The following CWC27 variants were observed in gnomAD, a reference collection of about 807,000 sequenced individuals.
CWC27 encodes CWC27 spliceosome associated cyclophilin, also known as spliceosome-associated protein CWC27 homolog.
CWC27 carries 47 observed loss-of-function variants against 63.6 expected under a neutral mutation model. That is an observed-to-expected ratio of 0.74 (90% CI 0.58 to 0.94). The LOEUF (loss-of-function observed/expected upper bound fraction) is 0.94, where lower values mean the gene tolerates loss of function less well. Among genes scored for constraint, CWC27 ranks in the 40% least tolerant of loss-of-function variants. The pLI is 0.00. For synonymous variants in CWC27, 175 were observed against 179.8 expected, an observed-to-expected ratio of 0.97 and a Z score of 0.22; for missense variants, 495 against 554.3, an observed-to-expected ratio of 0.89 and a Z score of 1.07.
chr5:64,966,539 T>C (rs1223429470), intron 11 of CWC27, among the ~76,000 whole-genome samples: 2 of 152,120 alleles, frequency 1.3e-5, no homozygotes, highest in African/African-American at 2.4e-5. Context: ...CTGAAGAAAC[T>C]GAGGCACAAA....
At chr5:64,942,459 AAGAT>A (rs1748503059) in intron 11 of CWC27, among the ~76,000 whole-genome samples, 1 of 150,480 alleles carries the variant, frequency 6.6e-6, no homozygotes, top group African/African-American at 2.5e-5. Context: ...AAAAAAAAAA[AAGAT>A]AAAAGAAAAA....
intron 10 of CWC27, among the ~76,000 whole-genome samples, chr5:64,882,719 G>A (rs890639307): frequency 3.9e-5 from 6 of 152,024 alleles, no homozygotes; most frequent in African/African-American, 1.2e-4. Context: ...TCAGCCTCCC[G>A]AATAGCTGGG....
At chr5:65,016,111 C>T (rs1750043648) in intron 13 of CWC27, among the ~76,000 whole-genome samples, 1 of 152,176 alleles carries the variant, frequency 6.6e-6, no homozygotes, top group African/African-American at 2.4e-5. Context: ...GTCGAACAGT[C>T]AGCCTTTTTC....
intron 13 of CWC27, among the ~76,000 whole-genome samples, chr5:64,990,414 G>A (rs1225490342): frequency 9.3e-6 from 1 of 107,114 alleles, no homozygotes; most frequent in Non-Finnish European, 2.0e-5. Flanking sequence ...ACAGGCGCCC[G>A]CCACTACGCC....
intron 11 of CWC27, among the ~76,000 whole-genome samples, chr5:64,895,270 A>G (rs1747343286): frequency 6.6e-6 from 1 of 152,062 alleles, no homozygotes; most frequent in Non-Finnish European, 1.5e-5. Context: ...ATAGCATATG[A>G]TATGTGAAAA....
chr5:64,842,897 C>T (rs537273153), intron 10 of CWC27, among the ~76,000 whole-genome samples: 22 of 152,304 alleles, frequency 1.4e-4, no homozygotes, highest in African/African-American at 3.8e-4. Flanking sequence ...CCACCCTACC[C>T]GGCCTTTTTC....
intron 10 of CWC27, among the ~76,000 whole-genome samples, chr5:64,816,573 G>A (rs534008539): frequency 3.3e-5 from 5 of 152,216 alleles, no homozygotes; most frequent in East Asian, 3.9e-4. Flanking sequence ...AGCTAAGGAC[G>A]GTAGAATAGA....
chr5:64,905,261 G>C (rs1747606859), intron 11 of CWC27, among the ~76,000 whole-genome samples: 1 of 148,964 alleles, frequency 6.7e-6, no homozygotes, highest in African/African-American at 2.5e-5. Flanking sequence ...TCCTGGCCAG[G>C]CTTCATGATT....
intron 13 of CWC27, among the ~76,000 whole-genome samples, chr5:64,997,056 A>G (rs1319984210): frequency 6.6e-6 from 1 of 152,206 alleles, no homozygotes; most frequent in East Asian, 1.9e-4. Flanking sequence ...TGTCAAATTT[A>G]TATCCCTAAT....
chr5:64,914,129 G>C (rs1249781439), intron 11 of CWC27, among the ~76,000 whole-genome samples: 2 of 152,196 alleles, frequency 1.3e-5, no homozygotes, highest in East Asian at 3.9e-4. Context: ...AAAAATACTT[G>C]ACTTTTAACT....
rs187982532 is a variant in CWC27, at chr5:64,805,610, T to A, written c.938+1224T>A. Reference sequence around the variant, plus strand: ...AATGTAACAAAAATATATTTAAAAATTTTAATAGATGAGCCAACCAAATAT... The same window carrying A: ...AATGTAACAAAAATATATTTAAAAAATTTAATAGATGAGCCAACCAAATAT... On this transcript the variant is annotated intron_variant, in intron 10 of 13. Transcript: ENST00000381070. Among the ~76,000 whole-genome samples, 342 of 152,096 alleles carry A rather than the reference T, an allele frequency of 2.2e-3. 1 individual carries two copies. The highest frequency in any genetic ancestry group is 7.8e-3 in the African/African-American group (325 of 41,568).
At position 64,993,210 on chromosome 5, in the gene CWC27, G is replaced by A. The variant is rs76470907; in HGVS notation, c.1256+15972G>A. 3.9e-3 allele frequency among the ~76,000 whole-genome samples: 591 copies of A among 152,294 alleles called. 5 individuals are homozygous for A. The highest frequency in any genetic ancestry group is 0.013 in the African/African-American group (550 of 41,550). On this transcript the variant is annotated intron_variant, in intron 13 of 13. Transcript: ENST00000381070. ...AATAGTAGGTGTGAGAGAGGGAAGT[G>A]GGGGTGCATGGTACTAGGGTAGTAT...
Position 64,865,074 on chromosome 5 carries a change from C to T in CWC27, c.939-20369C>T, listed in dbSNP as rs538893883. Among the ~76,000 whole-genome samples the T allele has an allele frequency of 3.3e-5, 5 of 151,538 alleles. No homozygotes were observed. In the East Asian group the frequency reaches 9.7e-4, roughly 29 times the overall value. On this transcript the variant is annotated intron_variant, in intron 10 of 13. Coordinates refer to ENST00000381070, the MANE Select transcript of CWC27 (RefSeq NM_005869.4). ...AGTTATTCCACAAATATTTATTATGCATCAACTGTGTATCTGGTACAAAAT... is the reference window on the plus strand; with the variant it reads ...AGTTATTCCACAAATATTTATTATGTATCAACTGTGTATCTGGTACAAAAT...
At chr5:64,949,499 A>G (rs1487308300) in intron 11 of CWC27, among the ~76,000 whole-genome samples, 1 of 151,982 alleles carries the variant, frequency 6.6e-6, no homozygotes, top group Non-Finnish European at 1.5e-5. Context: ...AAATCCTGCC[A>G]ATACATTCTG....
intron 1 of CWC27, among the ~76,000 whole-genome samples, chr5:64,771,922 C>T (rs1206455136): frequency 6.6e-6 from 1 of 152,118 alleles, no homozygotes; most frequent in African/African-American, 2.4e-5. Flanking sequence ...TGTAAGTTGC[C>T]TGTGGCCAAA....
intron 11 of CWC27, among the ~76,000 whole-genome samples, chr5:64,943,223 C>CTA (rs1748522693): frequency 6.6e-6 from 1 of 151,936 alleles, no homozygotes; most frequent in Non-Finnish European, 1.5e-5. Flanking sequence ...GATCACGGCC[C>CTA]TGTGTGTGTT....
chr5:64,977,718 T>C (rs1749254116), intron 13 of CWC27, among the ~76,000 whole-genome samples: 1 of 152,212 alleles, frequency 6.6e-6, no homozygotes, highest in Admixed American at 6.5e-5. Context: ...TTAATTTTAT[T>C]TTTATCTTTG....
intron 9 of CWC27, among the ~76,000 whole-genome samples, chr5:64,802,732 G>A (rs766551136): frequency 1.1e-4 from 16 of 152,134 alleles, no homozygotes; most frequent in Non-Finnish European, 2.9e-5. Flanking sequence ...GAAAGCATAG[G>A]GTTGAGGTGG....
intron 11 of CWC27, among the ~76,000 whole-genome samples, chr5:64,921,676 T>G (rs1748001499): frequency 6.6e-6 from 1 of 152,222 alleles, no homozygotes; most frequent in Admixed American, 6.5e-5. Context: ...AATATTGATA[T>G]TTGAGGATTT....
Sources: gnomAD v4.1 joint callset for allele counts (sites outside exome capture counted in the v4.1 genomes callset) on GRCh38, gnomAD v4.1.1 for gene constraint, MANE v1.5 for transcripts, NCBI Gene and HGNC (gene_info 2026-07-23, HGNC 2026-07-21) for gene names.